Variants in RBMS3 observed in about 807,000 individuals in gnomAD.
The protein encoded by RBMS3 is RNA-binding motif, single-stranded-interacting protein 3.
RBMS3 carries 27 observed loss-of-function variants against 66.8 expected under a neutral mutation model. The ratio of observed to expected loss-of-function variants is 0.40; its 90% CI spans 0.30 to 0.56. The LOEUF is 0.56. RBMS3 is among the 20% of genes least tolerant of loss of function. The pLI is 0.40. For synonymous variants in RBMS3, 188 were observed against 183.0 expected, an observed-to-expected ratio of 1.03 and a Z score of -0.22; for missense variants, 513 against 549.5, an observed-to-expected ratio of 0.93 and a Z score of 0.66.
chr3:29,883,580 A>G (rs1387669044), intron 7 of RBMS3, among the ~76,000 whole-genome samples: 1 of 151,994 alleles, frequency 6.6e-6, no homozygotes, highest in Non-Finnish European at 1.5e-5. Context: ...CCTCCTTATT[A>G]GCCATGTGTT....
intron 1 of RBMS3, among the ~76,000 whole-genome samples, chr3:29,368,928 T>C (rs2038046390): frequency 6.6e-6 from 1 of 152,108 alleles, no homozygotes; most frequent in Non-Finnish European, 1.5e-5. Flanking sequence ...CCATCAGTGG[T>C]AGACTGGATA....
chr3:29,872,704 T>C (rs2059521339), intron 7 of RBMS3, among the ~76,000 whole-genome samples: 2 of 152,154 alleles, frequency 1.3e-5, no homozygotes, highest in Non-Finnish European at 2.9e-5. Context: ...TCCTCCCCGG[T>C]GCCTCCTCCA....
At chr3:29,548,552 A>C (rs2046062218) in intron 3 of RBMS3, among the ~76,000 whole-genome samples, 1 of 152,072 alleles carries the variant, frequency 6.6e-6, no homozygotes, top group South Asian at 2.1e-4. Flanking sequence ...TACTTTTTAA[A>C]GGAAAAAACC....
intron 4 of RBMS3, among the ~76,000 whole-genome samples, chr3:29,718,929 T>C (rs2053523952): frequency 6.6e-6 from 1 of 152,226 alleles, no homozygotes; most frequent in Non-Finnish European, 1.5e-5. Context: ...CCTCCGTGAA[T>C]ATTAGAGTGG....
intron 3 of RBMS3, among the ~76,000 whole-genome samples, chr3:29,545,078 A>G (rs1166929935): frequency 6.6e-6 from 1 of 152,170 alleles, no homozygotes; most frequent in East Asian, 1.9e-4. Flanking sequence ...TATGACAGCA[A>G]CACAATGAAA....
At chr3:29,785,560 A>G (rs1407170823) in intron 6 of RBMS3, among the ~76,000 whole-genome samples, 2 of 151,954 alleles carry the variant, frequency 1.3e-5, no homozygotes, top group African/African-American at 4.8e-5. Context: ...ATAACATAAC[A>G]TAGTATCATA....
chr3:29,822,633 A>T (rs1576912698), intron 6 of RBMS3, among the ~76,000 whole-genome samples: 1 of 152,168 alleles, frequency 6.6e-6, no homozygotes, highest in African/African-American at 2.4e-5. Flanking sequence ...GCCATAAATT[A>T]TTGGCTATAT....
intron 7 of RBMS3, among the ~76,000 whole-genome samples, chr3:29,874,949 T>C (rs987680278): frequency 6.6e-6 from 1 of 152,192 alleles, no homozygotes; most frequent in African/African-American, 2.4e-5. Context: ...CTAGCCTATG[T>C]TCTCAAGGAA....
intron 1 of RBMS3, among the ~76,000 whole-genome samples, chr3:29,385,914 T>C (rs1265962642): frequency 6.6e-6 from 1 of 152,158 alleles, no homozygotes; most frequent in Non-Finnish European, 1.5e-5. Flanking sequence ...CATTATGAAC[T>C]ATGGCATCTA....
At chr3:29,373,901 A>G (rs1008367065) in intron 1 of RBMS3, among the ~76,000 whole-genome samples, 5 of 152,200 alleles carry the variant, frequency 3.3e-5, no homozygotes, top group Non-Finnish European at 5.9e-5. Flanking sequence ...TGCAAATCAA[A>G]TGGCGTATTA....
chr3:29,663,875 A>C (rs2149234326), intron 4 of RBMS3, among the ~76,000 whole-genome samples: 1 of 152,356 alleles, frequency 6.6e-6, no homozygotes, highest in Non-Finnish European at 1.5e-5. Context: ...TGTCTTGAAC[A>C]GTGCCTGGAG....
At chr3:29,459,386 C>T (rs2042298218) in intron 2 of RBMS3, among the ~76,000 whole-genome samples, 1 of 152,052 alleles carries the variant, frequency 6.6e-6, no homozygotes, top group African/African-American at 2.4e-5. Context: ...CTCTTTTTGT[C>T]CCTTTGTCAG....
Position 29,463,976 on chromosome 3 carries a change from G to C in RBMS3, c.249-24465G>C, listed in dbSNP as rs147494254. Reference sequence around the variant, plus strand: ...TCAGAATTGACAGCCACCTAAGCCTGTCAAATACATTGTTTAGTGAAACGT... The same window carrying C: ...TCAGAATTGACAGCCACCTAAGCCTCTCAAATACATTGTTTAGTGAAACGT... On this transcript the variant is annotated intron_variant, in intron 2 of 14. Coordinates refer to ENST00000383767, the MANE Select transcript of RBMS3 (RefSeq NM_001003793.3). Among the ~76,000 whole-genome samples the C allele has an allele frequency of 8.5e-4, 130 of 152,206 alleles. No individual in the cohort carries two copies. In the East Asian group the frequency reaches 0.016, roughly 19 times the overall value.
At chr3:29,997,789 A>C (rs977626585) in intron 14 of RBMS3, among the ~76,000 whole-genome samples, 1 of 152,144 alleles carries the variant, frequency 6.6e-6, no homozygotes, top group Non-Finnish European at 1.5e-5. Context: ...AGAGCTATCT[A>C]TGACAAACCC....
chr3:29,932,234 G>A (rs938557147), intron 10 of RBMS3, among the ~76,000 whole-genome samples: 6 of 152,086 alleles, frequency 3.9e-5, no homozygotes, highest in Non-Finnish European at 7.4e-5. Flanking sequence ...TGCAGGCTTA[G>A]CCCCTTTGAA....
intron 1 of RBMS3, among the ~76,000 whole-genome samples, chr3:29,393,983 A>G (rs950209801): frequency 5.3e-5 from 8 of 152,192 alleles, no homozygotes; most frequent in African/African-American, 1.9e-4. Flanking sequence ...CTGGGCATGC[A>G]TTGTCATTGA....
At chr3:29,656,806 G>T (rs11709088) in intron 4 of RBMS3, among the ~76,000 whole-genome samples, 1 of 151,904 alleles carries the variant, frequency 6.6e-6, no homozygotes, top group African/African-American at 2.4e-5. Context: ...CCTCTCTCTC[G>T]TACATTAGTT....
intron 7 of RBMS3, among the ~76,000 whole-genome samples, chr3:29,873,906 TTGAACCAACCCTGCA>T (rs2059549322): frequency 6.6e-6 from 1 of 152,370 alleles, no homozygotes; most frequent in East Asian, 1.9e-4. Flanking sequence ...TTGTCATGTG[TTGAACCAACCCTGCA>T]TGCCAGTGAT....
intron 1 of RBMS3, among the ~76,000 whole-genome samples, chr3:29,312,952 G>C (rs554029772): frequency 6.6e-6 from 1 of 151,584 alleles, no homozygotes; most frequent in Admixed American, 6.6e-5. Flanking sequence ...TGCCATTCAC[G>C]TGTACCCCAT....
Sources: gnomAD v4.1 joint callset for allele counts (sites outside exome capture counted in the v4.1 genomes callset) on GRCh38, gnomAD v4.1.1 for gene constraint, MANE v1.5 for transcripts, NCBI Gene and HGNC (gene_info 2026-07-23, HGNC 2026-07-21) for gene names.